ALCAM: variants seen among roughly 807,000 people sequenced by gnomAD.
ALCAM encodes activated leukocyte cell adhesion molecule, also known as CD166 antigen.
Under a neutral mutation model 70.9 loss-of-function variants are expected in ALCAM, and 30 were observed. The ratio of observed to expected loss-of-function variants is 0.42; its 90% CI spans 0.32 to 0.57. The LOEUF (loss-of-function observed/expected upper bound fraction) is 0.57, where lower values mean the gene tolerates loss of function less well. ALCAM is among the 20% of genes least tolerant of loss of function. ALCAM has a pLI of 0.11. For missense variants in ALCAM, 591 were observed against 695.1 expected, an observed-to-expected ratio of 0.85 and a Z score of 1.68; for synonymous variants, 249 against 242.5, an observed-to-expected ratio of 1.03 and a Z score of -0.25.
At chr3:105,550,726 T>C (rs1362273549) in intron 12 of ALCAM, among the ~76,000 whole-genome samples, 1 of 151,610 alleles carries the variant, frequency 6.6e-6, no homozygotes, top group African/African-American at 2.4e-5. Context: ...TTAAAGTCAT[T>C]TAGTAAACTA....
intron 1 of ALCAM, among the ~76,000 whole-genome samples, chr3:105,403,062 T>C (rs1487038871): frequency 4.0e-5 from 6 of 150,378 alleles, no homozygotes; most frequent in African/African-American, 1.5e-4. Flanking sequence ...TACTCCTGCC[T>C]CAGCCTCCCA....
intron 1 of ALCAM, among the ~76,000 whole-genome samples, chr3:105,412,875 A>G (rs1175668558): frequency 1.3e-5 from 2 of 152,142 alleles, no homozygotes; most frequent in Admixed American, 1.3e-4. Context: ...AGGAATATTA[A>G]ATAGAATTTC....
intron 12 of ALCAM, among the ~76,000 whole-genome samples, chr3:105,551,266 G>A (rs1940398051): frequency 6.6e-6 from 1 of 151,700 alleles, no homozygotes; most frequent in South Asian, 2.1e-4. Context: ...GCAATTCAGT[G>A]AGTATTGATT....
At chr3:105,512,168 G>A (rs1939257711) in intron 1 of ALCAM, among the ~76,000 whole-genome samples, 1 of 151,886 alleles carries the variant, frequency 6.6e-6, no homozygotes. Context: ...AGATAGCTTT[G>A]ATTTTCTCAA....
intron 1 of ALCAM, among the ~76,000 whole-genome samples, chr3:105,506,924 G>T (rs1299960268): frequency 6.6e-6 from 1 of 152,106 alleles, no homozygotes; most frequent in East Asian, 1.9e-4. Flanking sequence ...TCTGCCTGGG[G>T]ATTCAGCTGC....
intron 2 of ALCAM, among the ~76,000 whole-genome samples, chr3:105,523,139 C>CAGAAAAAAA (rs1939593189): frequency 1.1e-5 from 1 of 87,024 alleles, no homozygotes; most frequent in Non-Finnish European, 2.0e-5. Context: ...GACTCCGTCT[C>CAGAAAAAAA]AAAAAAAAAA....
At chr3:105,467,729 G>A (rs915330324) in intron 1 of ALCAM, among the ~76,000 whole-genome samples, 1 of 151,092 alleles carries the variant, frequency 6.6e-6, no homozygotes, top group Non-Finnish European at 1.5e-5. Context: ...AATTTCTGAT[G>A]ATTTTCAAAC....
At chr3:105,377,932 C>T (rs1037120135) in intron 1 of ALCAM, among the ~76,000 whole-genome samples, 1 of 151,952 alleles carries the variant, frequency 6.6e-6, no homozygotes. Context: ...TGACTAATGC[C>T]ACTTTGTAAA....
chr3:105,438,980 G>A (rs576834313), intron 1 of ALCAM, among the ~76,000 whole-genome samples: 25 of 152,256 alleles, frequency 1.6e-4, no homozygotes, highest in South Asian at 4.2e-4. Context: ...TACTACAGAC[G>A]AAGGTATATG....
chr3:105,388,856 A>G (rs777157863), intron 1 of ALCAM, among the ~76,000 whole-genome samples: 9 of 151,628 alleles, frequency 5.9e-5, no homozygotes, highest in Non-Finnish European at 1.0e-4. Flanking sequence ...AGATTTTACA[A>G]TCACGTTTTA....
At chr3:105,471,435 G>T (rs184664190) in intron 1 of ALCAM, among the ~76,000 whole-genome samples, 1 of 151,386 alleles carries the variant, frequency 6.6e-6, no homozygotes, top group Admixed American at 6.6e-5. Context: ...GGTAAAAGGG[G>T]TCAAGTTTAG....
In ALCAM at chr3:105,547,378, G is replaced by A; in HGVS notation, c.1241-12G>A. ...CTCAGTTCAACATCTTATTTTAATTGTAATATTTCAGGCAAACCTCAAATA... is the reference window on the plus strand; with the variant it reads ...CTCAGTTCAACATCTTATTTTAATTATAATATTTCAGGCAAACCTCAAATA... On this transcript the variant is annotated splice_polypyrimidine_tract_variant and intron_variant, in intron 10 of 15. Transcript: ENST00000306107. 6.3e-7 allele frequency: 1 copy of A among 1,595,518 alleles called. No homozygotes were observed. The highest frequency in any genetic ancestry group is 8.5e-7 in the Non-Finnish European group (1 of 1,172,870).
At chr3:105,476,896 C>T (rs1046746901) in intron 1 of ALCAM, among the ~76,000 whole-genome samples, 2 of 151,970 alleles carry the variant, frequency 1.3e-5, no homozygotes, top group Admixed American at 1.3e-4. Flanking sequence ...GGGAGGGAGT[C>T]AGGGGGAGGT....
chr3:105,437,243 A>C (rs1576162429), intron 1 of ALCAM, among the ~76,000 whole-genome samples: 1 of 152,174 alleles, frequency 6.6e-6, no homozygotes, highest in South Asian at 2.1e-4. Context: ...AAGTTGCTAA[A>C]GTTTTTTTAT....
At chr3:105,437,716 C>T (rs567875587) in intron 1 of ALCAM, among the ~76,000 whole-genome samples, 4 of 81,952 alleles carry the variant, frequency 4.9e-5, no homozygotes, top group Non-Finnish European at 7.2e-5. Flanking sequence ...AATAATCTAA[C>T]GTGGAAAATT....
At chr3:105,401,958 T>C (rs1410986798) in intron 1 of ALCAM, among the ~76,000 whole-genome samples, 1 of 151,112 alleles carries the variant, frequency 6.6e-6, no homozygotes, top group Non-Finnish European at 1.5e-5. Flanking sequence ...GATTCTAATG[T>C]GTAGCCATGA....
intron 1 of ALCAM, among the ~76,000 whole-genome samples, chr3:105,378,844 A>T (rs1370441087): frequency 1.3e-5 from 2 of 151,936 alleles, no homozygotes; most frequent in Non-Finnish European, 1.5e-5. Flanking sequence ...GGAGGTTATC[A>T]TTTTCTAGAA....
At chr3:105,531,978 A>G (rs755556864) in intron 3 of ALCAM, 24 bp from the exon 4 acceptor site, 24 of 1,606,976 alleles carry the variant, frequency 1.5e-5, no homozygotes, top group South Asian at 5.5e-5. Context: ...TATGTACTTA[A>G]AATCTTTCTC....
intron 1 of ALCAM, among the ~76,000 whole-genome samples, chr3:105,388,535 G>GTAAATTTGGTGA (rs1328253932): frequency 1.3e-5 from 2 of 151,500 alleles, no homozygotes; most frequent in Non-Finnish European, 3.0e-5. Flanking sequence ...TAAAAGGATG[G>GTAAATTTGGTGA]TAAATTTGGT....
Sources: allele counts gnomAD v4.1 joint callset (sites outside exome capture counted in the v4.1 genomes callset), GRCh38; gene constraint gnomAD v4.1.1; transcripts MANE v1.5; gene names NCBI Gene and HGNC (gene_info 2026-07-23, HGNC 2026-07-21).